Variants in SMG6 observed in about 807,000 individuals in gnomAD.
SMG6 encodes telomerase-binding protein EST1A.
In SMG6, 66 loss-of-function variants were observed where a neutral mutation model predicts 142.2. The observed-to-expected ratio is 0.46, with a 90% confidence interval of 0.38 to 0.57. The LOEUF (loss-of-function observed/expected upper bound fraction) is 0.57, where lower values mean the gene tolerates loss of function less well. Among genes scored for constraint, SMG6 ranks in the 20% least tolerant of loss-of-function variants. The pLI, the probability that SMG6 is intolerant of heterozygous loss-of-function variation, is 0.00. For missense variants in SMG6, 1,793 were observed against 1,832.0 expected (o/e 0.98, Z 0.39); for synonymous variants, 779 against 702.4 (o/e 1.11, Z -1.72).
intron 10 of SMG6, chr17:2,214,007 TGA>T (rs375417846): frequency 6.6e-6 from 1 of 152,308 alleles, no homozygotes; most frequent in African/African-American, 2.4e-5. Flanking sequence ...TACAGGAAGC[TGA>T]GAGTTCAACC....
chr17:2,259,543 G>A (rs1395518067), intron 8 of SMG6, among the ~76,000 whole-genome samples: 2 of 151,868 alleles, frequency 1.3e-5, no homozygotes, highest in African/African-American at 4.8e-5. Flanking sequence ...CAGCTATGGT[G>A]GCACACGCCT....
rs1428426281 is a variant in SMG6, at chr17:2,299,782, T to G, written c.971A>C (p.Lys324Thr). The change falls in exon 2 of 19, where the codon AAG becomes ACG. Residue 324 changes from lysine (K) to threonine (T), a missense_variant. Around this residue, in one of 3 missense-constraint regions of SMG6, gnomAD observed 1,597 missense variants for 1,584.6 expected, o/e 1.01. Coordinates refer to ENST00000263073, the MANE Select transcript of SMG6 (RefSeq NM_017575.5). The surrounding 1 kb of genome is among the most constrained non-coding windows in gnomAD (Gnocchi z 4.3). ...AGACCAGTTTCTTTCTAAATGTCTC[T>G]TCCTTTCTGAACTTCTCCTGGGTCC... ...GLGPRRSSERKRHLERNWSGR... is the reference protein window; with the variant it reads ...GLGPRRSSERTRHLERNWSGR... 1 of 1,614,238 alleles carries G rather than the reference T, an allele frequency of 6.2e-7. No individual in the cohort carries two copies. The highest frequency in any genetic ancestry group is 1.7e-5 in the Admixed American group (1 of 60,034).
intron 13 of SMG6, among the ~76,000 whole-genome samples, chr17:2,097,359 C>G (rs1165315175): frequency 6.6e-6 from 1 of 152,102 alleles, no homozygotes; most frequent in African/African-American, 2.4e-5. Flanking sequence ...TGGTCTTGAA[C>G]TCTTGGCCTC....
intron 8 of SMG6, among the ~76,000 whole-genome samples, chr17:2,245,627 C>T (rs984275569): frequency 2.0e-5 from 3 of 152,198 alleles, no homozygotes; most frequent in African/African-American, 7.2e-5. Context: ...TCAAGTGATC[C>T]ACCTGCTTTG....
chr17:2,131,271 T>C (rs951879857), intron 13 of SMG6, among the ~76,000 whole-genome samples: 1 of 151,626 alleles, frequency 6.6e-6, no homozygotes, highest in Non-Finnish European at 1.5e-5. Flanking sequence ...TTTAGCAATA[T>C]ATGGCCAATA....
intron 13 of SMG6, among the ~76,000 whole-genome samples, chr17:2,128,766 C>T (rs536921436): frequency 7.1e-6 from 1 of 140,832 alleles, no homozygotes; most frequent in Admixed American, 7.5e-5. Context: ...GGAGGTTGCA[C>T]TGAGCCAAGA....
chr17:2,255,892 A>C (rs970834578), intron 8 of SMG6: 9 of 233,246 alleles, frequency 3.9e-5, no homozygotes, highest in South Asian at 1.0e-4. Flanking sequence ...ACCCCCAACC[A>C]TGTGCTCTCT....
In SMG6 at chr17:2,282,725, A is replaced by T; in HGVS notation, c.2583T>A (p.His861Gln). 1 of 1,614,146 alleles carries T rather than the reference A, an allele frequency of 6.2e-7. No individual in the cohort carries two copies. Among genetic ancestry groups the T allele is most frequent in the East Asian group, 2.2e-5 (1 of 44,878 alleles). Residue 861 changes from histidine (H) to glutamine (Q), a missense_variant, in exon 8 of 19, where the codon CAT (histidine) becomes CAA (glutamine). Physicochemically the swap from His to Gln is conservative, Grantham distance 24. Coordinates refer to ENST00000263073, the MANE Select transcript of SMG6 (RefSeq NM_017575.5). The stretch of plus-strand genomic sequence containing the variant: ...ACTCAGTGCCCTGGGAAGACCGTGG[A>T]TGGGATGGATGAATCCAGATCTCCA... ...TRLEIWIHPS[H>Q]PRSSQGTESG...
chr17:2,064,673 C>A (rs1325593080), intron 18 of SMG6, among the ~76,000 whole-genome samples: 6 of 152,008 alleles, frequency 3.9e-5, no homozygotes. Context: ...GCCCCAGGGA[C>A]CCCTGGGGGG....
intron 13 of SMG6, among the ~76,000 whole-genome samples, chr17:2,089,395 T>C (rs1339465688): frequency 2.0e-5 from 3 of 152,110 alleles, no homozygotes; most frequent in East Asian, 1.9e-4. Context: ...CTCTGCGGTG[T>C]ACCTTCTCAG....
intron 8 of SMG6, among the ~76,000 whole-genome samples, chr17:2,271,315 T>G (rs927932650): frequency 5.3e-5 from 8 of 151,242 alleles, no homozygotes; most frequent in Non-Finnish European, 1.0e-4. Flanking sequence ...GGTCTTGGAC[T>G]CCTGATCTCA....
At chr17:2,238,307 T>G (rs2073717116) in intron 9 of SMG6, among the ~76,000 whole-genome samples, 1 of 152,208 alleles carries the variant, frequency 6.6e-6, no homozygotes, top group African/African-American at 2.4e-5. Context: ...ATTTGCTTTT[T>G]TTCTCCACAT....
At position 2,298,001 on chromosome 17, in the gene SMG6, A is replaced by T. The variant is rs1180523681; in HGVS notation, c.1902T>A (p.Ser634=). The change falls in exon 3 of 19, where the codon TCT becomes TCA. Residue 634 remains serine, a synonymous_variant. Transcript: ENST00000263073. ...GGATCTGATCCACATTCTGATTATC[A>T]GAGAACTCAATATCTAATAGAATAC... ...ERCILLDIEF[S]DNQNVDQILW... The T allele has an allele frequency of 1.9e-6, 3 of 1,613,100 alleles. No homozygotes were observed. The African/African-American group carries it at 4.0e-5, about 22-fold the overall frequency.
At chr17:2,239,717 A>G (rs1416150953) in intron 9 of SMG6, among the ~76,000 whole-genome samples, 2 of 152,212 alleles carry the variant, frequency 1.3e-5, no homozygotes, top group Non-Finnish European at 2.9e-5. Flanking sequence ...AGAGCACTGT[A>G]AAGAAAGAAA....
chr17:2,129,615 G>A (rs1337136532), intron 13 of SMG6, among the ~76,000 whole-genome samples: 1 of 151,694 alleles, frequency 6.6e-6, no homozygotes, highest in Non-Finnish European at 1.5e-5. Context: ...CCAACATGGT[G>A]AAATCCTGTT....
Position 2,081,830 on chromosome 17 carries a change from G to A in SMG6, c.3661C>T (p.Arg1221Cys), listed in dbSNP as rs746209705. 16 of 1,613,544 alleles carry A rather than the reference G, an allele frequency of 9.9e-6. No individual in the cohort carries two copies. Among genetic ancestry groups the A allele is most frequent in the Non-Finnish European group, 1.3e-5 (15 of 1,180,032 alleles). Residue 1221 changes from arginine to cysteine, a missense_variant, in exon 15 of 19, where the codon CGT (arginine) becomes TGT (cysteine). Arg to Cys is a radical substitution (Grantham distance 180). Coordinates refer to ENST00000263073, the MANE Select transcript of SMG6 (RefSeq NM_017575.5). The part of the protein sequence containing the change: ...ALARKIAEQQ[R>C]RQEKIQAVLE... ...TTCACCTGGATCTTTTCCTGGCGAC[G>A]CTGCTGCTCAGCTATCTTCCTGGCC...
intron 8 of SMG6, among the ~76,000 whole-genome samples, chr17:2,266,722 G>A (rs1378692431): frequency 6.6e-6 from 1 of 152,212 alleles, no homozygotes; most frequent in Non-Finnish European, 1.5e-5. Context: ...AAGCCCTGAA[G>A]TGGTTTGGTG....
intron 18 of SMG6, among the ~76,000 whole-genome samples, chr17:2,063,543 C>T (rs1405098550): frequency 2.0e-5 from 3 of 152,200 alleles, no homozygotes; most frequent in Admixed American, 6.5e-5. Context: ...AAAATGTGTC[C>T]GTTCTGAGAA....
intron 14 of SMG6, 150 bp from the exon 15 acceptor site, chr17:2,082,106 C>T: frequency 1.4e-6 from 1 of 726,472 alleles, no homozygotes; most frequent in Non-Finnish European, 2.3e-6. Context: ...CTTCCCTCTA[C>T]TCAGGCAAAG....
Sources: gnomAD v4.1 joint callset for allele counts (sites outside exome capture counted in the v4.1 genomes callset) on GRCh38, gnomAD v4.1.1 for gene constraint, gnomAD v4.1.1 regional missense constraint, Gnocchi (gnomAD v3.1) non-coding constraint, MANE v1.5 for transcripts, NCBI Gene and HGNC (gene_info 2026-07-23, HGNC 2026-07-21) for gene names.